TECRL: variants seen among roughly 807,000 people sequenced by gnomAD.
TECRL encodes trans-2,3-enoyl-CoA reductase-like.
In TECRL, 63 loss-of-function variants were observed where a neutral mutation model predicts 52.8. The observed-to-expected ratio is 1.19, with a 90% CI of 0.97 to 1.47. TECRL has a LOEUF of 1.47. Ranked by LOEUF, TECRL falls within the 40% of genes most tolerant of loss-of-function variation. The pLI is 0.00. For missense variants in TECRL, 482 were observed against 429.6 expected, an observed-to-expected ratio of 1.12 and a Z score of -1.08; for synonymous variants, 164 against 141.9, an observed-to-expected ratio of 1.16 and a Z score of -1.10.
At chr4:64,304,194 T>A (rs2109984320) in intron 7 of TECRL, among the ~76,000 whole-genome samples, 1 of 152,042 alleles carries the variant, frequency 6.6e-6, no homozygotes, top group Non-Finnish European at 1.5e-5. Context: ...TTCTATGTGC[T>A]AACGTTGTAA....
chr4:64,314,593 GTGTGTGTGT>G (rs1560492137), intron 5 of TECRL, 46 bp downstream of exon 5: 13,077 of 263,706 alleles, frequency 0.05, 484 homozygotes, highest in Non-Finnish European at 0.056. Flanking sequence ...CGTGTATGGT[GTGTGTGTGT>G]GTGTGTGTGT....
chr4:64,342,213 G>A (rs1212006015), intron 2 of TECRL, among the ~76,000 whole-genome samples: 2 of 152,132 alleles, frequency 1.3e-5, no homozygotes, highest in Non-Finnish European at 2.9e-5. Context: ...CTTTATATCT[G>A]AAATTACTTA....
downstream of TECRL, chr4:64,277,194 T>C: frequency 2.1e-6 from 1 of 487,628 alleles, no homozygotes; most frequent in Non-Finnish European, 3.6e-6. Flanking sequence ...GAGTGTAGTA[T>C]AATGGGAAAA....
chr4:64,376,946 C>T (rs1722439930), intron 1 of TECRL, among the ~76,000 whole-genome samples: 1 of 151,906 alleles, frequency 6.6e-6, no homozygotes, highest in African/African-American at 2.4e-5. Context: ...ACACGTAAAA[C>T]CAGAGTAAGA....
intron 8 of TECRL, among the ~76,000 whole-genome samples, chr4:64,293,389 A>G (rs1245918984): frequency 6.6e-6 from 1 of 152,056 alleles, no homozygotes; most frequent in East Asian, 1.9e-4. Flanking sequence ...TTGTTAATGT[A>G]TATTATTGTA....
chr4:64,289,810 CTATTTTTTAAAAAAACA>C, intron 8 of TECRL, 43 bp from the exon 9 acceptor site: 1 of 1,316,528 alleles, frequency 7.6e-7, no homozygotes, highest in South Asian at 1.6e-5. Flanking sequence ...ACACCTCTGC[CTATTTTTTAAAAAAACA>C]TATTCTAGAG....
At chr4:64,367,544 A>G (rs1413168898) in intron 2 of TECRL, among the ~76,000 whole-genome samples, 1 of 40,788 alleles carries the variant, frequency 2.5e-5, no homozygotes, top group Non-Finnish European at 6.9e-5. Context: ...AATTCTCATC[A>G]CTTATATGAA....
At chr4:64,293,127 T>A (rs1430712929) in intron 8 of TECRL, among the ~76,000 whole-genome samples, 1 of 152,116 alleles carries the variant, frequency 6.6e-6, no homozygotes, top group Non-Finnish European at 1.5e-5. Flanking sequence ...TATCTAGAGT[T>A]ATCGTCATAA....
At chr4:64,376,561 G>A (rs942294545) in intron 1 of TECRL, among the ~76,000 whole-genome samples, 14 of 151,636 alleles carry the variant, frequency 9.2e-5, no homozygotes, top group South Asian at 2.1e-4. Flanking sequence ...AACAGTGTCC[G>A]TTGTTTTATC....
chr4:64,398,709 C>T (rs1264287660), intron 1 of TECRL, among the ~76,000 whole-genome samples: 1 of 151,974 alleles, frequency 6.6e-6, no homozygotes, highest in Non-Finnish European at 1.5e-5. Flanking sequence ...GTATTGCACA[C>T]CTGAGAATCT....
Position 64,309,944 on chromosome 4 carries a change from A to G in TECRL, c.552-13T>C. The G allele has an allele frequency of 1.3e-6, 2 of 1,513,860 alleles. No homozygotes were observed. Among genetic ancestry groups the G allele is most frequent in the Non-Finnish European group, 1.8e-6 (2 of 1,104,860 alleles). 93.8% of individuals were successfully genotyped at this position (1,513,860 alleles called of 1,614,324 possible). A position where few individuals can be genotyped will look rare whatever the true frequency, so the allele number is the denominator to read the frequency against. On this transcript the variant is annotated splice_polypyrimidine_tract_variant and intron_variant, in intron 5 of 11. Coordinates refer to ENST00000381210, the MANE Select transcript of TECRL (RefSeq NM_001010874.5). ...GAAGCAAGCCAAGCTGGAAAAAAAAATAAAACATAAACATGAAAATCCTTT... is the reference window on the plus strand; with the variant it reads ...GAAGCAAGCCAAGCTGGAAAAAAAAGTAAAACATAAACATGAAAATCCTTT...
At chr4:64,374,052 C>CATATATATATATATATAGTAGATACATAT (rs1722181132) in intron 2 of TECRL, among the ~76,000 whole-genome samples, 1 of 106,014 alleles carries the variant, frequency 9.4e-6, no homozygotes, top group Non-Finnish European at 1.8e-5. Flanking sequence ...ATAGTAGATA[C>CATATATATATATATATAGTAGATACATAT]ATATATATAT....
At chr4:64,355,506 A>G (rs1172734989) in intron 2 of TECRL, among the ~76,000 whole-genome samples, 1 of 152,120 alleles carries the variant, frequency 6.6e-6, no homozygotes, top group African/African-American at 2.4e-5. Flanking sequence ...TATTAAGAAT[A>G]AGTTAAAACA....
chr4:64,408,478 G>T (rs978736409), intron 1 of TECRL, among the ~76,000 whole-genome samples: 17 of 151,826 alleles, frequency 1.1e-4, no homozygotes, highest in African/African-American at 3.6e-4. Context: ...CCTAAGAAGA[G>T]TATATTTTCT....
At chr4:64,396,059 T>C (rs1045758218) in intron 1 of TECRL, among the ~76,000 whole-genome samples, 6 of 152,164 alleles carry the variant, frequency 3.9e-5, no homozygotes, top group African/African-American at 1.2e-4. Context: ...ATGTTGACTA[T>C]ATCCAGTCTA....
intron 2 of TECRL, among the ~76,000 whole-genome samples, chr4:64,350,431 C>T (rs13122690): frequency 0.67 from 102,195 of 151,956 alleles, 35,495 homozygotes; most frequent in Non-Finnish European, 0.76. Context: ...GATGAATTGG[C>T]TGGGTGACAA....
intron 9 of TECRL, among the ~76,000 whole-genome samples, chr4:64,282,266 G>A (rs1417692429): frequency 6.6e-6 from 1 of 151,832 alleles, no homozygotes; most frequent in African/African-American, 2.4e-5. Flanking sequence ...GGTTGAACTT[G>A]GAGCTGTGAC....
At chr4:64,366,791 C>G (rs1721626295) in intron 2 of TECRL, among the ~76,000 whole-genome samples, 1 of 152,094 alleles carries the variant, frequency 6.6e-6, no homozygotes, top group Non-Finnish European at 1.5e-5. Flanking sequence ...CACTTATACA[C>G]TATTGGTGGT....
chr4:64,328,226 A>G (rs1244012040), intron 3 of TECRL, among the ~76,000 whole-genome samples: 1 of 151,998 alleles, frequency 6.6e-6, no homozygotes, highest in Admixed American at 6.6e-5. Context: ...CAGTAGAATG[A>G]GAAGGTGACC....
Sources: gnomAD v4.1 joint callset for allele counts (sites outside exome capture counted in the v4.1 genomes callset) on GRCh38, gnomAD v4.1.1 for gene constraint, MANE v1.5 for transcripts, NCBI Gene and HGNC (gene_info 2026-07-23, HGNC 2026-07-21) for gene names.